Variants in PCCA observed in about 807,000 individuals in gnomAD.
PCCA encodes propionyl-CoA carboxylase alpha chain, mitochondrial.
Under a neutral mutation model 101.3 loss-of-function variants are expected in PCCA, and 74 were observed. That is an observed-to-expected ratio of 0.73 (90% CI 0.61 to 0.89). PCCA has a LOEUF of 0.89. PCCA is among the 40% of genes least tolerant of loss of function. The pLI, the probability that PCCA is intolerant of heterozygous loss-of-function variation, is 0.00. For synonymous variants in PCCA, 294 were observed against 313.6 expected (o/e 0.94, Z 0.66); for missense variants, 891 against 907.0 (o/e 0.98, Z 0.23).
At chr13:100,214,383 A>T (rs2059392541) in intron 7 of PCCA, among the ~76,000 whole-genome samples, 1 of 150,586 alleles carries the variant, frequency 6.6e-6, no homozygotes, top group Non-Finnish European at 1.5e-5. Flanking sequence ...GTCCTTTTCA[A>T]TTTCTCGCAT....
chr13:100,266,630 C>T (rs1474108062), intron 10 of PCCA, among the ~76,000 whole-genome samples: 1 of 152,156 alleles, frequency 6.6e-6, no homozygotes, highest in Non-Finnish European at 1.5e-5. Flanking sequence ...CATACATAGT[C>T]TAAGAAGTAT....
intron 2 of PCCA, among the ~76,000 whole-genome samples, chr13:100,109,824 T>G (rs370099727): frequency 6.6e-6 from 1 of 152,306 alleles, no homozygotes; most frequent in South Asian, 2.1e-4. Flanking sequence ...TCTGGACTTT[T>G]TCCTGTATGT....
chr13:100,189,063 G>C (rs1184036214), intron 6 of PCCA, among the ~76,000 whole-genome samples: 5 of 151,996 alleles, frequency 3.3e-5, no homozygotes, highest in African/African-American at 1.2e-4. Context: ...ACAGGCCCCG[G>C]TGTGTGATGT....
At chr13:100,181,883 G>T (rs1443093250) in intron 6 of PCCA, among the ~76,000 whole-genome samples, 1 of 146,784 alleles carries the variant, frequency 6.8e-6, no homozygotes, top group Admixed American at 6.9e-5. Flanking sequence ...TCCTGCCTCA[G>T]CCTCCTGAGT....
chr13:100,331,223 C>T (rs537667520), intron 17 of PCCA, among the ~76,000 whole-genome samples: 6 of 152,202 alleles, frequency 3.9e-5, no homozygotes, highest in South Asian at 2.1e-4. Context: ...AAAAATTGCT[C>T]ATCAAATGGG....
chr13:100,163,812 G>A lies in PCCA; in HGVS notation c.468+6472G>A, dbSNP rs149303151. Reference sequence around the variant, plus strand: ...CTCAGTCTCCCCTTTTTTTCCTTCTGTTTTCCTTTTCTGACTTGGATTATT... The same window carrying A: ...CTCAGTCTCCCCTTTTTTTCCTTCTATTTTCCTTTTCTGACTTGGATTATT... On this transcript the variant is annotated intron_variant, in intron 6 of 23. Coordinates refer to ENST00000376285, the MANE Select transcript of PCCA (RefSeq NM_000282.4). Among the ~76,000 whole-genome samples the A allele has an allele frequency of 7.9e-3, 1,198 of 151,390 alleles. 10 individuals carry two copies. Among genetic ancestry groups the A allele is most frequent in the Middle Eastern group, 0.031 (9 of 294 alleles).
At chr13:100,236,866 A>G (rs2060835391) in intron 8 of PCCA, 1 of 152,258 alleles carries the variant, frequency 6.6e-6, no homozygotes, top group East Asian at 1.9e-4. Flanking sequence ...TGGATTAACA[A>G]TATTGTTAAA....
chr13:100,389,487 G>C (rs187580624), intron 19 of PCCA, among the ~76,000 whole-genome samples: 1 of 152,220 alleles, frequency 6.6e-6, no homozygotes, highest in East Asian at 1.9e-4. Context: ...CCTACCAAAG[G>C]GTGGAGGGAG....
At chr13:100,479,129 C>A (rs1400506479) in intron 21 of PCCA, among the ~76,000 whole-genome samples, 1 of 152,174 alleles carries the variant, frequency 6.6e-6, no homozygotes, top group African/African-American at 2.4e-5. Flanking sequence ...AGGTAAAGCC[C>A]TTTATATACT....
chr13:100,321,042 C>G (rs2067979522), intron 16 of PCCA, among the ~76,000 whole-genome samples: 1 of 118,500 alleles, frequency 8.4e-6, no homozygotes, highest in Admixed American at 8.7e-5. Context: ...TAAATTCCTC[C>G]CTAATGTTAC....
chr13:100,182,956 A>G (rs539594089), intron 6 of PCCA, among the ~76,000 whole-genome samples: 10 of 152,256 alleles, frequency 6.6e-5, no homozygotes. Context: ...AAATCAGACT[A>G]ACTCTGCCAC....
chr13:100,260,166 C>G (rs548215909), intron 9 of PCCA, among the ~76,000 whole-genome samples: 32 of 152,224 alleles, frequency 2.1e-4, no homozygotes, highest in Non-Finnish European at 4.0e-4. Flanking sequence ...CATTTTGCTT[C>G]CAGTTTCTTT....
chr13:100,260,892 TAA>T (rs767024619), intron 9 of PCCA, among the ~76,000 whole-genome samples: 14 of 137,254 alleles, frequency 1.0e-4, no homozygotes, highest in Non-Finnish European at 1.3e-4. Context: ...AACCATCCTT[TAA>T]AAAAAAAAAA....
At chr13:100,257,734 C>T (rs1342770900) in intron 9 of PCCA, 61 bp downstream of exon 9, 2 of 1,163,856 alleles carry the variant, frequency 1.7e-6, no homozygotes, top group Non-Finnish European at 2.6e-6. Context: ...TTTTATTAAA[C>T]TGACAGGTAA....
chr13:100,169,537 T>C (rs2055412225), intron 6 of PCCA, among the ~76,000 whole-genome samples: 1 of 152,064 alleles, frequency 6.6e-6, no homozygotes, highest in African/African-American at 2.4e-5. Flanking sequence ...TATTTTATTA[T>C]TATTTTTTGA....
chr13:100,293,358 AT>A, intron 12 of PCCA: 6 of 378,286 alleles, frequency 1.6e-5, no homozygotes, highest in East Asian at 8.0e-5. Flanking sequence ...GATTTTAGAA[AT>A]TTTTTTGTAA....
At chr13:100,356,322 C>T (rs2073949546) in intron 18 of PCCA, among the ~76,000 whole-genome samples, 1 of 152,084 alleles carries the variant, frequency 6.6e-6, no homozygotes, top group Non-Finnish European at 1.5e-5. Flanking sequence ...AGTGAAAAGA[C>T]ATCCCTCAAA....
At chr13:100,300,268 T>C (rs2065956075) in intron 12 of PCCA, among the ~76,000 whole-genome samples, 1 of 152,246 alleles carries the variant, frequency 6.6e-6, no homozygotes, top group Non-Finnish European at 1.5e-5. Flanking sequence ...TCAAAATGTC[T>C]TAAAATGTTG....
At chr13:100,422,377 G>T (rs1043773769) in intron 19 of PCCA, among the ~76,000 whole-genome samples, 1 of 150,258 alleles carries the variant, frequency 6.7e-6, no homozygotes, top group Non-Finnish European at 1.5e-5. Flanking sequence ...GCTTCAAGCA[G>T]TCCTCCTGCC....
Sources: gnomAD v4.1 joint callset for allele counts (sites outside exome capture counted in the v4.1 genomes callset) on GRCh38, gnomAD v4.1.1 for gene constraint, MANE v1.5 for transcripts, NCBI Gene and HGNC (gene_info 2026-07-23, HGNC 2026-07-21) for gene names.